The following ZNF362 variants were observed in gnomAD, a reference collection of about 807,000 sequenced individuals.
ZNF362 encodes the protein zinc finger protein 362, also known as rotund homolog.
ZNF362 carries 11 observed loss-of-function variants against 42.9 expected under a neutral mutation model. The ratio of observed to expected loss-of-function variants is 0.26; its 90% confidence interval spans 0.16 to 0.42. ZNF362 has a LOEUF of 0.42. Ranked by LOEUF, ZNF362 falls within the 20% of genes least tolerant of loss-of-function variation. ZNF362 has a pLI of 1.00. For synonymous variants in ZNF362, 255 were observed against 257.3 expected (o/e 0.99, Z 0.09); for missense variants, 362 against 576.2 (o/e 0.63, Z 3.81).
chr1:33,234,624 G>A, the ZNF362 span, among the ~76,000 whole-genome samples: 51 of 152,238 alleles, frequency 3.4e-4, no homozygotes, highest in South Asian at 4.8e-3. Flanking sequence ...CTGCCTTCCC[G>A]TTGAGCGAGA....
chr1:33,269,731 TG>T (rs1237222876), intron 1 of ZNF362, among the ~76,000 whole-genome samples: 1 of 152,156 alleles, frequency 6.6e-6, no homozygotes, highest in Non-Finnish European at 1.5e-5. Context: ...GTCTGTGGGT[TG>T]GGCTGGGGCG....
At chr1:33,181,659 G>A in the ZNF362 span, 6 of 729,142 alleles carry the variant, frequency 8.2e-6, no homozygotes, top group Non-Finnish European at 1.3e-5. This position sits in a 1 kb window ranked among gnomAD's most constrained non-coding sequence, Gnocchi z 6.5. Context: ...GCAGTCTAGA[G>A]GTAGTGGGCA....
At chr1:33,174,983 A>ATG in the ZNF362 span, among the ~76,000 whole-genome samples, 2 of 133,086 alleles carry the variant, frequency 1.5e-5, no homozygotes, top group Admixed American at 8.2e-5. Flanking sequence ...ACATATACAT[A>ATG]TATATGCACA....
chr1:33,204,639 A>G, the ZNF362 span, among the ~76,000 whole-genome samples: 1 of 152,164 alleles, frequency 6.6e-6, no homozygotes, highest in Non-Finnish European at 1.5e-5. Context: ...GTCTTCTTCA[A>G]TTTCAAATGG....
the ZNF362 span, among the ~76,000 whole-genome samples, chr1:33,145,158 C>CA: frequency 6.6e-6 from 1 of 152,116 alleles, no homozygotes; most frequent in Non-Finnish European, 1.5e-5. Flanking sequence ...TAAAGACTGA[C>CA]AGCCTTCCCT....
chr1:33,181,462 G>T, the ZNF362 span: 3 of 1,560,662 alleles, frequency 1.9e-6, no homozygotes, highest in Non-Finnish European at 2.6e-6. The surrounding 1 kb of genome is among the most constrained non-coding windows in gnomAD (Gnocchi z 6.5). Context: ...AGGGGGGCCC[G>T]AGGGGCAGGG....
chr1:33,253,634 A>T (rs903672272), upstream of ZNF362, among the ~76,000 whole-genome samples: 1 of 151,962 alleles, frequency 6.6e-6, no homozygotes, highest in Non-Finnish European at 1.5e-5. Context: ...CCAGCTCAGC[A>T]CTCAAGGCCT....
At chr1:33,258,931 T>C (rs1645811861) in intron 1 of ZNF362, among the ~76,000 whole-genome samples, 1 of 152,174 alleles carries the variant, frequency 6.6e-6, no homozygotes, top group South Asian at 2.1e-4. Context: ...GCCTGCAGGC[T>C]CCTCGCCTGG....
chr1:33,159,949 G>A, the ZNF362 span: 327 of 1,600,786 alleles, frequency 2.0e-4, 1 homozygote, highest in South Asian at 3.4e-3. The surrounding 1 kb of genome is among the most constrained non-coding windows in gnomAD (Gnocchi z 4.2). Flanking sequence ...GGAAGACTGT[G>A]GGGGACAGTC....
At chr1:33,135,855 C>G in the ZNF362 span, among the ~76,000 whole-genome samples, 1 of 152,166 alleles carries the variant, frequency 6.6e-6, no homozygotes, top group African/African-American at 2.4e-5. Context: ...GCCTAGCAAG[C>G]TGTAGGAATT....
chr1:33,128,489 C>T, the ZNF362 span, among the ~76,000 whole-genome samples: 17 of 152,208 alleles, frequency 1.1e-4, no homozygotes, highest in Non-Finnish European at 2.2e-4. Context: ...ATGAGGCTTA[C>T]GTATGAAGTA....
At chr1:33,263,701 G>A (rs1431402283) in intron 1 of ZNF362, among the ~76,000 whole-genome samples, 2 of 152,164 alleles carry the variant, frequency 1.3e-5, no homozygotes, top group African/African-American at 4.8e-5. Context: ...GTGAGCCACC[G>A]TGCCCAGCCA....
chr1:33,197,411 C>T, the ZNF362 span, among the ~76,000 whole-genome samples: 7 of 152,190 alleles, frequency 4.6e-5, no homozygotes, highest in African/African-American at 1.7e-4. Context: ...CTGACTAATA[C>T]AGATGGCTAT....
the ZNF362 span, among the ~76,000 whole-genome samples, chr1:33,155,235 C>T: frequency 6.6e-6 from 1 of 151,664 alleles, no homozygotes; most frequent in East Asian, 2.0e-4. Context: ...CCATGCCTGG[C>T]TAATTTTTGT....
chr1:33,210,075 G>A, the ZNF362 span, among the ~76,000 whole-genome samples: 2 of 152,062 alleles, frequency 1.3e-5, no homozygotes, highest in Non-Finnish European at 1.5e-5. Flanking sequence ...GTGCTATAAA[G>A]TTCCCTCTAC....
At chr1:33,252,810 T>C (rs79843139), upstream of ZNF362, among the ~76,000 whole-genome samples, 657 of 152,236 alleles carry the variant, frequency 4.3e-3, 17 homozygotes, top group South Asian at 0.05. Flanking sequence ...ATAGTTAGAA[T>C]ACAATTAGGG....
chr1:33,234,444 C>G, the ZNF362 span, among the ~76,000 whole-genome samples: 3 of 152,152 alleles, frequency 2.0e-5, no homozygotes, highest in African/African-American at 7.2e-5. Flanking sequence ...TGGCTTCTTT[C>G]CACTTAAAAA....
the ZNF362 span, among the ~76,000 whole-genome samples, chr1:33,216,522 C>T: frequency 7.8e-6 from 1 of 128,314 alleles, no homozygotes; most frequent in African/African-American, 2.8e-5. Flanking sequence ...ATCCCTTGAA[C>T]CCAGGAGGCA....
At chr1:33,203,701 T>G in the ZNF362 span, among the ~76,000 whole-genome samples, 5 of 152,212 alleles carry the variant, frequency 3.3e-5, no homozygotes, top group Non-Finnish European at 7.3e-5. Context: ...TGGTTTTGAT[T>G]CGCATTTCCC....
Sources: gnomAD v4.1 joint callset for allele counts (sites outside exome capture counted in the v4.1 genomes callset) on GRCh38, gnomAD v4.1.1 for gene constraint, Gnocchi (gnomAD v3.1) non-coding constraint, MANE v1.5 for transcripts, NCBI Gene and HGNC (gene_info 2026-07-23, HGNC 2026-07-21) for gene names.